GLP1R: variants seen among roughly 807,000 people sequenced by gnomAD.
GLP1R encodes glucagon like peptide 1 receptor.
In GLP1R, 32 loss-of-function variants were observed where a neutral mutation model predicts 68.4. The observed-to-expected ratio is 0.47, with a 90% CI of 0.35 to 0.63. The LOEUF (loss-of-function observed/expected upper bound fraction) is 0.63. Ranked by LOEUF, GLP1R falls within the 20% of genes least tolerant of loss-of-function variation. GLP1R has a pLI of 0.00. For missense variants in GLP1R, 502 were observed against 594.9 expected (o/e 0.84, Z 1.62); for synonymous variants, 263 against 244.4 (o/e 1.08, Z -0.71).
intron 1 of GLP1R, among the ~76,000 whole-genome samples, chr6:39,051,729 C>A (rs1366364489): frequency 6.6e-6 from 1 of 151,922 alleles, no homozygotes; most frequent in Non-Finnish European, 1.5e-5. Context: ...CTATATGAAC[C>A]CCCAGTTCCC....
intron 7 of GLP1R, 136 bp downstream of exon 7, chr6:39,073,905 G>C (rs978378816): frequency 1.4e-6 from 1 of 724,750 alleles, no homozygotes; most frequent in Non-Finnish European, 2.3e-6. Context: ...CTGGGCACAG[G>C]ACCTTCTGCC....
chr6:39,056,538 C>T, intron 2 of GLP1R, 45 bp downstream of exon 2: 1 of 1,023,258 alleles, frequency 9.8e-7, no homozygotes, highest in East Asian at 2.4e-5. Flanking sequence ...CCCACCCAAC[C>T]AACTTCTGGA....
At chr6:39,056,351 G>A in intron 1 of GLP1R, 46 bp from the exon 2 acceptor site, 2 of 981,870 alleles carry the variant, frequency 2.0e-6, no homozygotes, top group Non-Finnish European at 3.3e-6. Context: ...GGGCAGGAGA[G>A]GGGCTGGCTG....
In GLP1R at chr6:39,079,742, G is replaced by C. The variant is rs780492319; in HGVS notation, c.1182+40G>C. 1 of 1,574,292 alleles carries C rather than the reference G, an allele frequency of 6.4e-7. No individual in the cohort carries two copies. The highest frequency in any genetic ancestry group is 1.1e-5 in the South Asian group (1 of 89,704). On this transcript the variant is annotated intron_variant, in intron 11 of 12. Coordinates refer to ENST00000373256, the MANE Select transcript of GLP1R (RefSeq NM_002062.5). The surrounding 1 kb of genome is among the most constrained non-coding windows in gnomAD (Gnocchi z 4.5). ...GGGGACACTTGCTTGTAAAGTCCTA[G>C]AGTGGGGGTGGGACAGACACCAGCC...
chr6:39,053,308 G>T (rs1005377965), intron 1 of GLP1R, among the ~76,000 whole-genome samples: 5 of 152,198 alleles, frequency 3.3e-5, no homozygotes, highest in African/African-American at 1.2e-4. Flanking sequence ...GGTGGGCAGG[G>T]CCTTGCCCCT....
In GLP1R at chr6:39,055,623, T is replaced by A. The variant is rs564007487; in HGVS notation, c.79-774T>A. ...TGACTTCAGTGTTCTGGAACCTCCC[T>A]GACCCCTTCACCTCATGTCCTCAGG... On this transcript the variant is annotated intron_variant, in intron 1 of 12. Transcript: ENST00000373256. Among the ~76,000 whole-genome samples the A allele has an allele frequency of 3.0e-3, 455 of 151,986 alleles. 3 individuals carry two copies. The highest frequency in any genetic ancestry group is 0.01 in the African/African-American group (429 of 41,450).
intron 3 of GLP1R, among the ~76,000 whole-genome samples, chr6:39,061,343 A>G (rs903065516): frequency 4.6e-5 from 7 of 152,214 alleles, no homozygotes; most frequent in African/African-American, 1.7e-4. Flanking sequence ...TTTACCCACA[A>G]ACAGCTGATC....
chr6:39,069,477 C>CA (rs1199670405), intron 5 of GLP1R, among the ~76,000 whole-genome samples: 2 of 152,020 alleles, frequency 1.3e-5, no homozygotes, highest in African/African-American at 2.4e-5. Context: ...ACTAAAAATA[C>CA]AAAAAATTAG....
In GLP1R at chr6:39,088,793, A is replaced by C. The variant is rs1769210898; in HGVS notation, c.*2720A>C. Among the ~76,000 whole-genome samples, 1 of 152,086 alleles carries C rather than the reference A, an allele frequency of 6.6e-6. No individual in the cohort carries two copies. Among genetic ancestry groups the C allele is most frequent in the Admixed American group, 6.5e-5 (1 of 15,272 alleles). ...CTCATGCTGTAGACCACATCGTTGG[A>C]GCTCTGGGAGAGCTCTGAGCAGAGA... On this transcript the variant is annotated 3_prime_UTR_variant, in exon 13 of 13. Transcript: ENST00000373256.
At chr6:39,084,289 AG>A (rs1769088434) in intron 12 of GLP1R, among the ~76,000 whole-genome samples, 1 of 152,260 alleles carries the variant, frequency 6.6e-6, no homozygotes, top group Admixed American at 6.5e-5. Flanking sequence ...GCATACAGTA[AG>A]TGCCCAATAA....
chr6:39,086,166 G>GACACACACACACACAC lies in GLP1R; in HGVS notation c.*117_*132dup, dbSNP rs34093988. On this transcript the variant is annotated 3_prime_UTR_variant, in exon 13 of 13. Coordinates refer to ENST00000373256, the MANE Select transcript of GLP1R (RefSeq NM_002062.5). The surrounding 1 kb of genome is among the most constrained non-coding windows in gnomAD (Gnocchi z 4.5). ...ACTCCCAGGGACAAGGGAAGGAAGG[G>GACACACACACACACAC]ACACACACACACACACACACACACA... is the stretch of plus-strand genomic sequence containing the variant. The GACACACACACACACAC allele has an allele frequency of 7.8e-4, 456 of 582,774 alleles. 8 individuals are homozygous for GACACACACACACACAC. The African/African-American group carries it at 8.7e-3, about 11-fold the overall frequency. 36.1% of individuals were successfully genotyped at this position (582,774 alleles called of 1,614,324 possible).
chr6:39,051,168 T>G (rs1395662790), intron 1 of GLP1R, among the ~76,000 whole-genome samples: 1 of 152,140 alleles, frequency 6.6e-6, no homozygotes, highest in Non-Finnish European at 1.5e-5. Context: ...ACAACTGGAT[T>G]CAAATATAGG....
chr6:39,062,593 G>A (rs977985349), intron 3 of GLP1R, among the ~76,000 whole-genome samples: 5 of 152,196 alleles, frequency 3.3e-5, no homozygotes, highest in African/African-American at 1.2e-4. Context: ...GCAGCGGCCG[G>A]GGGTCCACAC....
chr6:39,077,875 G>A (rs1287480288), intron 7 of GLP1R, among the ~76,000 whole-genome samples: 4 of 152,200 alleles, frequency 2.6e-5, no homozygotes, highest in Admixed American at 1.3e-4. Context: ...ATGACTGAAA[G>A]GACATCCAGT....
rs1769020625 is a variant in GLP1R, at chr6:39,081,910, A to G, written c.1224+1171A>G. On this transcript the variant is annotated intron_variant, in intron 12 of 12. Transcript: ENST00000373256. ...AGTCTGAAAAAGGTGCGAAAGGGGAACAGAGAACAAGTCCTTCCTTCAAGG... is the reference window on the plus strand; with the variant it reads ...AGTCTGAAAAAGGTGCGAAAGGGGAGCAGAGAACAAGTCCTTCCTTCAAGG... Among the ~76,000 whole-genome samples, 3 of 152,334 alleles carry G rather than the reference A, an allele frequency of 2.0e-5. No homozygotes were observed. The South Asian group carries it at 6.2e-4, about 32-fold the overall frequency.
At chr6:39,082,193 GC>G (rs1769025980) in intron 12 of GLP1R, among the ~76,000 whole-genome samples, 1 of 152,160 alleles carries the variant, frequency 6.6e-6, no homozygotes, top group South Asian at 2.1e-4. Flanking sequence ...GGGAAGTGTG[GC>G]CCTCAGATCT....
intron 5 of GLP1R, among the ~76,000 whole-genome samples, chr6:39,069,851 C>A (rs1339712736): frequency 1.3e-5 from 2 of 152,168 alleles, no homozygotes; most frequent in South Asian, 2.1e-4. Flanking sequence ...GCTGTTATAA[C>A]AAAATACCTT....
intron 7 of GLP1R, chr6:39,074,166 G>T (rs916778150): frequency 5.9e-6 from 1 of 169,942 alleles, no homozygotes; most frequent in Non-Finnish European, 1.3e-5. Flanking sequence ...GGATCAAGAG[G>T]GTAGGGGGCT....
chr6:39,071,169 A>G lies in GLP1R; in HGVS notation c.510-1693A>G, dbSNP rs556530128. Among the ~76,000 whole-genome samples the G allele has an allele frequency of 5.9e-5, 9 of 152,002 alleles. No individual in the cohort carries two copies. The East Asian group carries it at 1.2e-3, about 20-fold the overall frequency. ...AGACCATCCTGGCTAACACAGTGGA[A>G]CCCCATCTCTACTAAAAATACAAAA... On this transcript the variant is annotated intron_variant, in intron 5 of 12. Transcript: ENST00000373256.
Sources: gnomAD v4.1 joint callset for allele counts (sites outside exome capture counted in the v4.1 genomes callset) on GRCh38, gnomAD v4.1.1 for gene constraint, Gnocchi (gnomAD v3.1) non-coding constraint, MANE v1.5 for transcripts, NCBI Gene and HGNC (gene_info 2026-07-23, HGNC 2026-07-21) for gene names.